The following SBF2 variants were observed in gnomAD, a reference collection of about 807,000 sequenced individuals.
The protein encoded by SBF2 is SET binding factor 2, also known as myotubularin-related protein 13.
In SBF2, 112 loss-of-function variants were observed where a neutral mutation model predicts 225.2. The observed-to-expected ratio is 0.50, with a 90% CI of 0.43 to 0.58. SBF2 has a LOEUF of 0.58. SBF2 is among the 20% of genes least tolerant of loss of function. The pLI is 0.00. For missense variants in SBF2, 1,996 were observed against 2,206.2 expected, an observed-to-expected ratio of 0.90 and a Z score of 1.91; for synonymous variants, 763 against 773.3, an observed-to-expected ratio of 0.99 and a Z score of 0.22.
intron 28 of SBF2, chr11:9,828,720 T>C (rs1251885818): frequency 2.5e-6 from 2 of 800,698 alleles, no homozygotes; most frequent in Admixed American, 6.2e-5. Context: ...AGGCTGCAGA[T>C]ATTTTGGGAA....
intron 6 of SBF2, among the ~76,000 whole-genome samples, chr11:10,026,081 CT>C (rs1479363019): frequency 2.0e-5 from 3 of 149,794 alleles, no homozygotes; most frequent in African/African-American, 4.9e-5. Flanking sequence ...GGTAAAAATG[CT>C]TCTGGCACCT....
At chr11:9,874,266 C>T (rs1178726106) in intron 17 of SBF2, among the ~76,000 whole-genome samples, 3 of 151,932 alleles carry the variant, frequency 2.0e-5, no homozygotes, top group Admixed American at 6.6e-5. Flanking sequence ...TAAGTAAAAA[C>T]TTATTCCTTA....
chr11:10,295,466 A>T (rs1409324870), upstream of SBF2, among the ~76,000 whole-genome samples: 5 of 152,136 alleles, frequency 3.3e-5, no homozygotes, highest in Admixed American at 1.3e-4. Context: ...GCTGCACTAG[A>T]ACTGAAACTG....
At chr11:9,995,782 T>C (rs1412477836) in intron 9 of SBF2, among the ~76,000 whole-genome samples, 1 of 151,210 alleles carries the variant, frequency 6.6e-6, no homozygotes, top group African/African-American at 2.4e-5. Flanking sequence ...CCTGAGTAGC[T>C]GGGATTACAG....
At chr11:10,129,864 A>G (rs947369487) in intron 2 of SBF2, among the ~76,000 whole-genome samples, 1 of 151,924 alleles carries the variant, frequency 6.6e-6, no homozygotes, top group Non-Finnish European at 1.5e-5. Flanking sequence ...ACAAACATTA[A>G]TGAGGTATGG....
intron 1 of SBF2, among the ~76,000 whole-genome samples, chr11:10,208,554 T>C (rs1006015293): frequency 1.3e-5 from 2 of 151,564 alleles, no homozygotes; most frequent in African/African-American, 2.4e-5. Context: ...AAGGAGGCGG[T>C]GAAGACGTGT....
intron 16 of SBF2, among the ~76,000 whole-genome samples, chr11:9,905,433 T>C (rs936708257): frequency 1.3e-5 from 2 of 152,246 alleles, no homozygotes; most frequent in African/African-American, 4.8e-5. Flanking sequence ...TAATCAGGAT[T>C]TTCCTTTGAA....
At chr11:10,185,574 C>A (rs913187737) in intron 2 of SBF2, among the ~76,000 whole-genome samples, 3 of 151,704 alleles carry the variant, frequency 2.0e-5, no homozygotes, top group African/African-American at 7.3e-5. Flanking sequence ...TCCATCTCAG[C>A]CTCCCCAGTT....
At chr11:9,994,223 C>A (rs1008963437) in intron 9 of SBF2, among the ~76,000 whole-genome samples, 2 of 152,006 alleles carry the variant, frequency 1.3e-5, no homozygotes, top group African/African-American at 4.8e-5. Context: ...GCCTGTAATC[C>A]CAGCACTTTG....
At chr11:10,051,578 C>G (rs1279923739) in intron 2 of SBF2, among the ~76,000 whole-genome samples, 2 of 152,088 alleles carry the variant, frequency 1.3e-5, no homozygotes, top group African/African-American at 4.8e-5. Flanking sequence ...AGATAGTTAA[C>G]TAGACACTGG....
chr11:10,065,250 T>G (rs1214495622), intron 2 of SBF2, among the ~76,000 whole-genome samples: 1 of 152,144 alleles, frequency 6.6e-6, no homozygotes, highest in South Asian at 2.1e-4. Flanking sequence ...TAAAAATTTG[T>G]AGGATGCTAC....
chr11:10,194,169 T>A (rs4515960), intron 1 of SBF2, among the ~76,000 whole-genome samples, 182 bp from the exon 2 acceptor site: 4 of 152,184 alleles, frequency 2.6e-5, no homozygotes, highest in Non-Finnish European at 4.4e-5. Context: ...AGGACCTCCA[T>A]ATCCATGGGT....
At chr11:10,184,263 T>C (rs1197236955) in intron 2 of SBF2, among the ~76,000 whole-genome samples, 1 of 152,220 alleles carries the variant, frequency 6.6e-6, no homozygotes, top group African/African-American at 2.4e-5. Flanking sequence ...TACATGTCTA[T>C]TCCTTAAGCT....
intron 6 of SBF2, among the ~76,000 whole-genome samples, chr11:10,013,772 A>C (rs1948542162): frequency 6.6e-6 from 1 of 152,238 alleles, no homozygotes; most frequent in African/African-American, 2.4e-5. Flanking sequence ...TTCTGCCTGA[A>C]TAGATCTTTA....
At chr11:9,829,306 C>T in intron 28 of SBF2, 50 bp downstream of exon 28, 1 of 1,585,894 alleles carries the variant, frequency 6.3e-7, no homozygotes, top group Non-Finnish European at 8.7e-7. Flanking sequence ...AGGAACAGAA[C>T]TGACCTTTCA....
chr11:10,128,747 C>T (rs1001801669), intron 2 of SBF2, among the ~76,000 whole-genome samples: 2 of 152,170 alleles, frequency 1.3e-5, no homozygotes, highest in Non-Finnish European at 2.9e-5. Context: ...TTTATAAACT[C>T]AACTTGTAGA....
rs770481765 is a variant in SBF2 at position 10,043,010 on chromosome 11, A to G, written c.142-29T>C. The stretch of plus-strand genomic sequence containing the variant: ...AATGAAATAGAAAAAAAAATGTAAC[A>G]TTTAAAAACAATAAAAGTTAATTAT... On this transcript the variant is annotated intron_variant, in intron 2 of 39. Transcript: ENST00000256190. The G allele has an allele frequency of 3.1e-6, 5 of 1,601,770 alleles. No homozygotes were observed. The South Asian group carries it at 5.5e-5, about 18-fold the overall frequency.
chr11:9,829,588 G>T, intron 27 of SBF2, 92 bp from the exon 28 acceptor site: 1 of 1,162,898 alleles, frequency 8.6e-7, no homozygotes, highest in Non-Finnish European at 1.3e-6. Context: ...ATCTATCTAT[G>T]CTTATTTTTC....
intron 16 of SBF2, among the ~76,000 whole-genome samples, chr11:9,925,636 C>A (rs1212991518): frequency 6.6e-6 from 1 of 152,204 alleles, no homozygotes; most frequent in Admixed American, 6.5e-5. Flanking sequence ...ATGTATATGT[C>A]ACACTAACAG....
Sources: allele counts gnomAD v4.1 joint callset (sites outside exome capture counted in the v4.1 genomes callset), GRCh38; gene constraint gnomAD v4.1.1; transcripts MANE v1.5; gene names NCBI Gene and HGNC (gene_info 2026-07-23, HGNC 2026-07-21).